The following SYT1 variants were observed in gnomAD, a reference collection of about 807,000 sequenced individuals.
The protein encoded by SYT1 is synaptotagmin-1.
Under a neutral mutation model 44.8 loss-of-function variants are expected in SYT1, and 8 were observed. That is an observed-to-expected ratio of 0.18 (90% CI 0.10 to 0.32). SYT1 has a LOEUF of 0.32. SYT1 is among the 10% of genes least tolerant of loss of function. The pLI, the probability that SYT1 is intolerant of heterozygous loss-of-function variation, is 1.00. For missense variants in SYT1, 286 were observed against 509.3 expected, an observed-to-expected ratio of 0.56 and a Z score of 4.22; for synonymous variants, 154 against 188.8, an observed-to-expected ratio of 0.82 and a Z score of 1.51.
chr12:79,233,361 G>A (rs1202258386), intron 4 of SYT1, among the ~76,000 whole-genome samples: 1 of 152,218 alleles, frequency 6.6e-6, no homozygotes, highest in Non-Finnish European at 1.5e-5. Context: ...CAGTTCAAAA[G>A]AAACCTGGAT....
chr12:79,048,579 C>A (rs1006419880), intron 3 of SYT1, among the ~76,000 whole-genome samples: 1 of 151,734 alleles, frequency 6.6e-6, no homozygotes, highest in South Asian at 2.1e-4. Flanking sequence ...TAGTTATGAA[C>A]GGCCATATAT....
chr12:79,283,787 G>C (rs1879168700), intron 4 of SYT1, among the ~76,000 whole-genome samples: 1 of 151,586 alleles, frequency 6.6e-6, no homozygotes, highest in Non-Finnish European at 1.5e-5. Context: ...ACTTCTTTAG[G>C]TGTGGGTTTA....
At position 78,938,752 on chromosome 12, in the gene SYT1, T is replaced by C. The variant is rs1429218012; in HGVS notation, c.-216-39047T>C. Among the ~76,000 whole-genome samples the C allele has an allele frequency of 3.9e-5, 6 of 152,196 alleles. No homozygotes were observed. In the South Asian group the frequency reaches 1.0e-3, roughly 26 times the overall value. The stretch of plus-strand genomic sequence containing the variant: ...GACAGATTGGACCAGAGGATAAATG[T>C]AGGCTATCCAGGAAGTATAACTCTG... On this transcript the variant is annotated intron_variant, in intron 1 of 10. Coordinates refer to ENST00000261205, the MANE Select transcript of SYT1 (RefSeq NM_005639.3).
intron 4 of SYT1, among the ~76,000 whole-genome samples, chr12:79,260,416 T>C (rs1877765407): frequency 6.6e-6 from 1 of 152,276 alleles, no homozygotes; most frequent in Non-Finnish European, 1.5e-5. Context: ...GGAATGAAAA[T>C]TGCTGTAGTA....
chr12:79,343,531 A>AG (rs1335939438), intron 8 of SYT1, among the ~76,000 whole-genome samples: 3 of 152,242 alleles, frequency 2.0e-5, no homozygotes, highest in African/African-American at 7.2e-5. Context: ...GTAGGTAATA[A>AG]GAAGCAGACT....
chr12:79,428,132 C>T (rs1300036378), intron 9 of SYT1, among the ~76,000 whole-genome samples: 1 of 152,098 alleles, frequency 6.6e-6, no homozygotes, highest in Admixed American at 6.5e-5. Context: ...CTCAGGGTAG[C>T]CACTAAGTCT....
intron 1 of SYT1, among the ~76,000 whole-genome samples, chr12:78,911,485 T>C (rs2137127785): frequency 6.6e-6 from 1 of 150,826 alleles, no homozygotes; most frequent in South Asian, 2.1e-4. Flanking sequence ...TGCAAGCTGA[T>C]AGAGGAAAGA....
chr12:79,202,091 T>A lies in SYT1; in HGVS notation c.-17-15412T>A, dbSNP rs1396125859. Among the ~76,000 whole-genome samples, 5 of 152,182 alleles carry A rather than the reference T, an allele frequency of 3.3e-5. 1 individual carries two copies. Among genetic ancestry groups the A allele is most frequent in the Admixed American group, 2.6e-4 (4 of 15,270 alleles). ...TAAGCCAGCATGCCTGTTTATCATG[T>A]AAATAGGATAGTAGTTACAGATCAT... On this transcript the variant is annotated intron_variant, in intron 3 of 10. Transcript: ENST00000261205.
At chr12:79,318,909 A>G (rs1170433958) in intron 8 of SYT1, among the ~76,000 whole-genome samples, 1 of 152,224 alleles carries the variant, frequency 6.6e-6, no homozygotes, top group Non-Finnish European at 1.5e-5. Flanking sequence ...TTATTTTATA[A>G]CGTATTTTTG....
chr12:78,978,521 A>G (rs1206223962), intron 2 of SYT1, among the ~76,000 whole-genome samples: 1 of 152,204 alleles, frequency 6.6e-6, no homozygotes, highest in Non-Finnish European at 1.5e-5. Context: ...GTTGTAAAGT[A>G]TCTGTTTGTC....
At chr12:78,925,866 T>A (rs1316444735) in intron 1 of SYT1, among the ~76,000 whole-genome samples, 1 of 152,048 alleles carries the variant, frequency 6.6e-6, no homozygotes, top group African/African-American at 2.4e-5. Flanking sequence ...GTATTTTAAC[T>A]CTTACTAGCA....
intron 4 of SYT1, among the ~76,000 whole-genome samples, chr12:79,285,120 T>C (rs944571623): frequency 2.0e-5 from 3 of 152,190 alleles, no homozygotes; most frequent in African/African-American, 7.2e-5. Context: ...CTTCAGTGCA[T>C]ACATTTTCCC....
At chr12:78,937,130 C>T (rs1245811001) in intron 1 of SYT1, among the ~76,000 whole-genome samples, 3 of 152,088 alleles carry the variant, frequency 2.0e-5, no homozygotes, top group African/African-American at 7.2e-5. Flanking sequence ...AGATCAAGGG[C>T]CTAGAATCAG....
At chr12:79,346,221 G>T (rs916126518) in intron 8 of SYT1, among the ~76,000 whole-genome samples, 9 of 152,172 alleles carry the variant, frequency 5.9e-5, no homozygotes, top group South Asian at 2.1e-4. Context: ...CATTGGAGAT[G>T]ACCTCTGTTC....
intron 3 of SYT1, among the ~76,000 whole-genome samples, chr12:79,134,162 C>G (rs887983293): frequency 3.9e-5 from 6 of 152,070 alleles, no homozygotes; most frequent in African/African-American, 1.4e-4. Context: ...AGTTTTAAAA[C>G]TATGTTGTGT....
At chr12:78,943,888 C>A (rs1452454314) in intron 1 of SYT1, among the ~76,000 whole-genome samples, 2 of 152,192 alleles carry the variant, frequency 1.3e-5, no homozygotes, top group South Asian at 2.1e-4. Context: ...GACAAGACTG[C>A]ATCACATGAT....
At chr12:79,086,402 A>G (rs1434657668) in intron 3 of SYT1, among the ~76,000 whole-genome samples, 9 of 152,174 alleles carry the variant, frequency 5.9e-5, no homozygotes, top group Admixed American at 5.9e-4. Context: ...ATACTGAGGA[A>G]TGAAGTACCA....
At chr12:79,342,414 A>G (rs1442631056) in intron 8 of SYT1, among the ~76,000 whole-genome samples, 3 of 151,722 alleles carry the variant, frequency 2.0e-5, no homozygotes, top group Non-Finnish European at 4.4e-5. Flanking sequence ...TGTTTTTTGT[A>G]GAGATAGAGT....
intron 1 of SYT1, among the ~76,000 whole-genome samples, chr12:78,909,875 T>A (rs1294561445): frequency 6.6e-6 from 1 of 151,946 alleles, no homozygotes; most frequent in Non-Finnish European, 1.5e-5. Flanking sequence ...CCACAACAGG[T>A]TGTTCTTTCA....
Sources: gnomAD v4.1 joint callset for allele counts (sites outside exome capture counted in the v4.1 genomes callset) on GRCh38, gnomAD v4.1.1 for gene constraint, MANE v1.5 for transcripts, NCBI Gene and HGNC (gene_info 2026-07-23, HGNC 2026-07-21) for gene names.